Variants in SMG6 observed in about 807,000 individuals in gnomAD.
SMG6 encodes the protein telomerase-binding protein EST1A.
SMG6 carries 66 observed loss-of-function variants against 142.2 expected under a neutral mutation model. That is an observed-to-expected ratio of 0.46 (90% CI 0.38 to 0.57). The LOEUF (loss-of-function observed/expected upper bound fraction) is 0.57. Among genes scored for constraint, SMG6 ranks in the 20% least tolerant of loss-of-function variants. The probability of loss-of-function intolerance (pLI) is 0.00; values close to 1 mark genes in which losing one functional copy is unlikely to be tolerated. For missense variants in SMG6, 1,793 were observed against 1,832.0 expected (o/e 0.98, Z 0.39); for synonymous variants, 779 against 702.4 (o/e 1.11, Z -1.72).
intron 10 of SMG6, among the ~76,000 whole-genome samples, chr17:2,194,712 C>CAAAAAA (rs768893563): frequency 1.4e-5 from 2 of 139,420 alleles, no homozygotes; most frequent in South Asian, 2.3e-4. Context: ...CAAAACAAAA[C>CAAAAAA]AAAAAAAAAA....
In SMG6 at chr17:2,068,389, A is replaced by C. The variant is rs1285775459; in HGVS notation, c.3835+389T>G. On this transcript the variant is annotated intron_variant, in intron 16 of 18. Coordinates refer to ENST00000263073, the MANE Select transcript of SMG6 (RefSeq NM_017575.5). This position sits in a 1 kb window ranked among gnomAD's most constrained non-coding sequence, Gnocchi z 6.7. ...AGACCAAAGGCATCTAACCACTTCA[A>C]AATCCTCCCAGCCTCCCTGCCAGAC... Among the ~76,000 whole-genome samples, 1 of 152,176 alleles carries C rather than the reference A, an allele frequency of 6.6e-6. No individual in the cohort carries two copies. Among genetic ancestry groups the C allele is most frequent in the Non-Finnish European group, 1.5e-5 (1 of 68,026 alleles).
chr17:2,176,158 T>G (rs139852031), intron 12 of SMG6, among the ~76,000 whole-genome samples: 2 of 152,346 alleles, frequency 1.3e-5, no homozygotes, highest in Non-Finnish European at 2.9e-5. Context: ...CAATCAGGCC[T>G]CTGGGCTGGG....
intron 13 of SMG6, chr17:2,101,321 T>TGAACTCCTGGTCTC (rs1241910691): frequency 6.6e-6 from 1 of 152,204 alleles, no homozygotes; most frequent in East Asian, 1.9e-4. Context: ...GGACTGGTCT[T>TGAACTCCTGGTCTC]GAACTCCTGG....
intron 8 of SMG6, among the ~76,000 whole-genome samples, chr17:2,255,115 T>A (rs892558524): frequency 6.6e-6 from 1 of 151,848 alleles, no homozygotes; most frequent in African/African-American, 2.4e-5. Flanking sequence ...TTAAAGAATG[T>A]GATCTTCGGC....
intron 8 of SMG6, among the ~76,000 whole-genome samples, chr17:2,255,429 A>AAAAAAAAAG (rs1567722251): frequency 1.5e-5 from 2 of 137,792 alleles, no homozygotes; most frequent in Non-Finnish European, 3.1e-5. Flanking sequence ...AAAAAAAAAA[A>AAAAAAAAAG]GAATGTGATC....
At chr17:2,220,194 A>C (rs1479946932) in intron 10 of SMG6, among the ~76,000 whole-genome samples, 3 of 152,196 alleles carry the variant, frequency 2.0e-5, no homozygotes, top group Admixed American at 2.0e-4. Context: ...ATGAGCCACC[A>C]CGCTTGGCCT....
chr17:2,191,887 G>C (rs1041363694), intron 10 of SMG6, among the ~76,000 whole-genome samples: 13 of 152,252 alleles, frequency 8.5e-5, no homozygotes, highest in African/African-American at 3.1e-4. Context: ...CATGTGGCCG[G>C]ATGTTATGTA....
rs201641597 is a variant in SMG6 at position 2,065,632 on chromosome 17, G to A, written c.3883C>T (p.Arg1295Trp). 11 of 1,613,824 alleles carry A rather than the reference G, an allele frequency of 6.8e-6. 1 individual carries two copies. Among genetic ancestry groups the A allele is most frequent in the African/African-American group, 2.7e-5 (2 of 75,046 alleles). Residue 1295 changes from arginine to tryptophan, a missense_variant, in exon 17 of 19, where the codon CGG (arginine) becomes TGG (tryptophan). Physicochemically the swap from Arg to Trp is moderately radical, Grantham distance 101. Around this residue, in one of 3 missense-constraint regions of SMG6, gnomAD observed 179 missense variants for 212.6 expected, o/e 0.84. Coordinates refer to ENST00000263073, the MANE Select transcript of SMG6 (RefSeq NM_017575.5). The stretch of plus-strand genomic sequence containing the variant: ...ACCACACGGGCGTAGCCCCCAGCCC[G>A]GTGGTCTGTCTCCTGCCCCTTGGCC... ...GLAKGQETDH[R>W]AGGYARVVQE... is the part of the protein sequence containing the mutation.
intron 16 of SMG6, among the ~76,000 whole-genome samples, chr17:2,067,157 G>A (rs1006440099): frequency 1.1e-4 from 16 of 152,156 alleles, no homozygotes; most frequent in African/African-American, 2.9e-4. Context: ...CTTAGGCGTC[G>A]TCTCTTTGTC....
At chr17:2,229,066 TA>T (rs1016392308) in intron 10 of SMG6, among the ~76,000 whole-genome samples, 1 of 152,078 alleles carries the variant, frequency 6.6e-6, no homozygotes. Context: ...CAATGCTCCT[TA>T]AAAAAATCCG....
intron 13 of SMG6, among the ~76,000 whole-genome samples, chr17:2,122,177 GGA>G (rs1379883794): frequency 1.3e-5 from 2 of 151,988 alleles, no homozygotes; most frequent in African/African-American, 2.4e-5. Flanking sequence ...GGGAAGAGAG[GGA>G]GAGAGAGAAA....
intron 9 of SMG6, among the ~76,000 whole-genome samples, chr17:2,243,541 C>T (rs1567712948): frequency 1.3e-5 from 2 of 152,106 alleles, no homozygotes; most frequent in East Asian, 1.9e-4. Flanking sequence ...ATTAGCCAGA[C>T]GCGGTGGCAT....
At chr17:2,121,587 C>CTGTCTG (rs1360722020) in intron 13 of SMG6, among the ~76,000 whole-genome samples, 6 of 139,770 alleles carry the variant, frequency 4.3e-5, no homozygotes, top group African/African-American at 1.6e-4. Flanking sequence ...ACATGTCTGT[C>CTGTCTG]TGTGTGTGTG....
intron 10 of SMG6, among the ~76,000 whole-genome samples, chr17:2,205,562 C>T (rs1472412823): frequency 6.6e-6 from 1 of 152,014 alleles, no homozygotes; most frequent in Non-Finnish European, 1.5e-5. Context: ...TAACAGCCTA[C>T]CATAAACGGA....
chr17:2,139,744 G>A (rs898621770), intron 13 of SMG6, among the ~76,000 whole-genome samples: 1 of 149,272 alleles, frequency 6.7e-6, no homozygotes, highest in African/African-American at 2.5e-5. Context: ...TTTTTTTTTT[G>A]AGATGGAGTT....
At chr17:2,264,798 A>G (rs1287140702) in intron 8 of SMG6, among the ~76,000 whole-genome samples, 2 of 151,482 alleles carry the variant, frequency 1.3e-5, no homozygotes, top group Admixed American at 1.3e-4. Flanking sequence ...GCTACTCAGG[A>G]GGCTGGGAGG....
chr17:2,112,699 G>C (rs2069375377), intron 13 of SMG6, among the ~76,000 whole-genome samples: 1 of 149,144 alleles, frequency 6.7e-6, no homozygotes, highest in Non-Finnish European at 1.5e-5. Flanking sequence ...GCATACTTTA[G>C]CTATATTAAA....
chr17:2,261,749 A>G (rs1667816721), intron 8 of SMG6, among the ~76,000 whole-genome samples: 2 of 152,262 alleles, frequency 1.3e-5, no homozygotes, highest in South Asian at 4.1e-4. Context: ...GCAAACAAAA[A>G]GAAATTTAGG....
At chr17:2,289,663 C>T (rs12451844) in intron 6 of SMG6, among the ~76,000 whole-genome samples, 39,297 of 151,892 alleles carry the variant, frequency 0.26, 6,568 homozygotes, top group Admixed American at 0.36. Flanking sequence ...CGCATATAAT[C>T]CCAGTGTGAG....
Sources: gnomAD v4.1 joint callset for allele counts (sites outside exome capture counted in the v4.1 genomes callset) on GRCh38, gnomAD v4.1.1 for gene constraint, gnomAD v4.1.1 regional missense constraint, Gnocchi (gnomAD v3.1) non-coding constraint, MANE v1.5 for transcripts, NCBI Gene and HGNC (gene_info 2026-07-23, HGNC 2026-07-21) for gene names.